TCF12: variants seen among roughly 807,000 people sequenced by gnomAD.
TCF12 encodes DNA-binding protein HTF4.
A neutral mutation model predicts 86.0 loss-of-function variants in TCF12; 45 were observed. The observed-to-expected ratio is 0.52, with a 90% CI of 0.41 to 0.67. The LOEUF (loss-of-function observed/expected upper bound fraction) is 0.67. TCF12 is among the 30% of genes least tolerant of loss of function. The pLI, the probability that TCF12 is intolerant of heterozygous loss-of-function variation, is 0.00. For synonymous variants in TCF12, 330 were observed against 299.6 expected (o/e 1.10, Z -1.05); for missense variants, 881 against 859.9 (o/e 1.02, Z -0.31).
At chr15:57,200,780 T>C (rs929573823) in intron 8 of TCF12, among the ~76,000 whole-genome samples, 6 of 152,238 alleles carry the variant, frequency 3.9e-5, no homozygotes, top group Admixed American at 6.5e-5. Context: ...TCAGCTTCTC[T>C]GTTCCTCTCT....
chr15:57,151,534 AGGAGGACAG>A (rs2053759071), intron 5 of TCF12, among the ~76,000 whole-genome samples: 1 of 152,108 alleles, frequency 6.6e-6, no homozygotes, highest in South Asian at 2.1e-4. Context: ...TGAGAGGCCA[AGGAGGACAG>A]ATCATGAGAT....
chr15:56,935,753 C>A (rs2060441971), intron 3 of TCF12, among the ~76,000 whole-genome samples: 2 of 152,130 alleles, frequency 1.3e-5, no homozygotes. Flanking sequence ...GAGTTAACTT[C>A]TCTTAGGACA....
chr15:57,237,707 GTTCTT>G (rs1479400863), intron 12 of TCF12, among the ~76,000 whole-genome samples: 1 of 152,116 alleles, frequency 6.6e-6, no homozygotes, highest in Non-Finnish European at 1.5e-5. Flanking sequence ...CAATGTAGGA[GTTCTT>G]TTAAGTCCAG....
rs144410906 is a variant in TCF12 at position 57,058,330 on chromosome 15, T to C, written c.149-5420T>C. On this transcript the variant is annotated intron_variant, in intron 3 of 20. Coordinates refer to ENST00000333725, the MANE Select transcript of TCF12 (RefSeq NM_207037.2). Reference sequence around the variant, plus strand: ...ACAGGGCATTTGTATCAGGGTGATATAGCTAGTAACAATAATATAGCAAAA... The same window carrying C: ...ACAGGGCATTTGTATCAGGGTGATACAGCTAGTAACAATAATATAGCAAAA... Among the ~76,000 whole-genome samples, 3 of 152,238 alleles carry C rather than the reference T, an allele frequency of 2.0e-5. No homozygotes were observed. In the East Asian group the frequency reaches 5.8e-4, roughly 29 times the overall value.
At chr15:57,267,363 T>A (rs2060918423) in intron 18 of TCF12, among the ~76,000 whole-genome samples, 1 of 152,324 alleles carries the variant, frequency 6.6e-6, no homozygotes, top group South Asian at 2.1e-4. Flanking sequence ...TGTACTCAAC[T>A]ATCAGGGGCA....
intron 19 of TCF12, among the ~76,000 whole-genome samples, chr15:57,279,950 G>A (rs12910109): frequency 0.4 from 57,925 of 143,686 alleles, 14,130 homozygotes; most frequent in Non-Finnish European, 0.54. Flanking sequence ...CTGGAGTGCA[G>A]TGGCGCGATT....
Position 57,262,216 on chromosome 15 carries a change from T to C in TCF12, c.1582+8T>C. On this transcript the variant is annotated splice_region_variant and intron_variant, in intron 17 of 20. Coordinates refer to ENST00000333725, the MANE Select transcript of TCF12 (RefSeq NM_207037.2). ...CACAAGAAAATTATAGAGGTAACTA[T>C]ATTGTTGGTTTTCAGAAATAATGCA... is the stretch of plus-strand genomic sequence containing the variant. 1 of 1,570,704 alleles carries C rather than the reference T, an allele frequency of 6.4e-7. No individual in the cohort carries two copies. Among genetic ancestry groups the C allele is most frequent in the Non-Finnish European group, 8.7e-7 (1 of 1,147,944 alleles).
intron 4 of TCF12, among the ~76,000 whole-genome samples, chr15:57,089,285 C>G (rs1388898822): frequency 6.6e-6 from 1 of 152,142 alleles, no homozygotes; most frequent in Non-Finnish European, 1.5e-5. Flanking sequence ...TTGTGCCTTA[C>G]TGATACTTGA....
intron 3 of TCF12, among the ~76,000 whole-genome samples, chr15:57,060,078 T>A (rs1487670976): frequency 6.6e-6 from 1 of 152,150 alleles, no homozygotes. Flanking sequence ...CCTCTAAGAG[T>A]CTTATACTCT....
chr15:57,074,489 A>G (rs866698346), intron 4 of TCF12, among the ~76,000 whole-genome samples: 1 of 152,100 alleles, frequency 6.6e-6, no homozygotes, highest in Non-Finnish European at 1.5e-5. Flanking sequence ...TTAAATGCCC[A>G]ACAAGAAGTT....
chr15:56,986,292 T>G (rs1406969837), intron 3 of TCF12, among the ~76,000 whole-genome samples: 2 of 152,180 alleles, frequency 1.3e-5, no homozygotes, highest in African/African-American at 2.4e-5. Flanking sequence ...GTTATCAATG[T>G]TGACCAAAAT....
chr15:56,936,948 G>C (rs987627430), intron 3 of TCF12, among the ~76,000 whole-genome samples: 4 of 152,112 alleles, frequency 2.6e-5, no homozygotes, highest in Admixed American at 1.3e-4. Flanking sequence ...TGTTTTGGCT[G>C]TGATGGCTCT....
intron 19 of TCF12, chr15:57,282,199 A>G (rs2061721418): frequency 1.9e-6 from 1 of 514,306 alleles, no homozygotes; most frequent in Admixed American, 3.5e-5. Context: ...TTTTGATTTA[A>G]ATCAAATCAA....
intron 4 of TCF12, among the ~76,000 whole-genome samples, chr15:57,080,558 G>C (rs565967556): frequency 6.6e-6 from 1 of 152,182 alleles, no homozygotes; most frequent in Non-Finnish European, 1.5e-5. Context: ...ACTGCAGAAC[G>C]AATCACAGAG....
chr15:56,932,490 A>G (rs1317311889), intron 3 of TCF12, among the ~76,000 whole-genome samples: 1 of 152,170 alleles, frequency 6.6e-6, no homozygotes, highest in Non-Finnish European at 1.5e-5. Flanking sequence ...CAAGGTGACA[A>G]GAAGAAAAAA....
intron 8 of TCF12, chr15:57,214,493 T>C (rs1005525306): frequency 1.3e-5 from 2 of 152,228 alleles, no homozygotes; most frequent in African/African-American, 4.8e-5. Flanking sequence ...CAGAGGTGAT[T>C]GTTTCCATTG....
At chr15:57,056,750 C>T (rs1025587582) in intron 3 of TCF12, among the ~76,000 whole-genome samples, 3 of 151,988 alleles carry the variant, frequency 2.0e-5, no homozygotes, top group Non-Finnish European at 4.4e-5. Context: ...AGAGACACCA[C>T]ACCTGGCTTA....
intron 6 of TCF12, among the ~76,000 whole-genome samples, chr15:57,175,079 C>T (rs771427117): frequency 1.3e-5 from 2 of 152,288 alleles, no homozygotes; most frequent in South Asian, 4.1e-4. Context: ...TAACAAAGGA[C>T]TGATATACAG....
At chr15:57,083,480 CTG>C (rs1407849459) in intron 4 of TCF12, among the ~76,000 whole-genome samples, 3 of 152,010 alleles carry the variant, frequency 2.0e-5, no homozygotes, top group African/African-American at 7.2e-5. Flanking sequence ...AAATAAACGA[CTG>C]TTTTAGGAAT....
Sources: gnomAD v4.1 joint callset for allele counts (sites outside exome capture counted in the v4.1 genomes callset) on GRCh38, gnomAD v4.1.1 for gene constraint, MANE v1.5 for transcripts, NCBI Gene and HGNC (gene_info 2026-07-23, HGNC 2026-07-21) for gene names.